FBXW11: variants seen among roughly 807,000 people sequenced by gnomAD.
FBXW11 encodes the protein F-box and WD repeat domain containing 11.
Under a neutral mutation model 77.6 loss-of-function variants are expected in FBXW11, and 19 were observed. The ratio of observed to expected loss-of-function variants is 0.24; its 90% confidence interval spans 0.17 to 0.36. The LOEUF (loss-of-function observed/expected upper bound fraction) is 0.36. Ranked by LOEUF, FBXW11 falls within the 10% of genes least tolerant of loss-of-function variation. The probability of loss-of-function intolerance (pLI) is 1.00; values close to 1 mark genes in which losing one functional copy is unlikely to be tolerated. For missense variants in FBXW11, 334 were observed against 704.2 expected, an observed-to-expected ratio of 0.47 and a Z score of 5.95; for synonymous variants, 235 against 249.4, an observed-to-expected ratio of 0.94 and a Z score of 0.54.
chr5:171,992,379 G>A (rs1301231783), intron 1 of FBXW11, among the ~76,000 whole-genome samples: 1 of 151,856 alleles, frequency 6.6e-6, no homozygotes, highest in Non-Finnish European at 1.5e-5. Flanking sequence ...GTGAGCCGAG[G>A]CCATGCCATG....
At chr5:171,918,019 C>T (rs1418511995) in intron 2 of FBXW11, among the ~76,000 whole-genome samples, 5 of 151,902 alleles carry the variant, frequency 3.3e-5, no homozygotes, top group Non-Finnish European at 5.9e-5. Context: ...AAACACTGGA[C>T]TAGAGCAACA....
At chr5:172,001,971 T>C (rs1421299197) in intron 1 of FBXW11, among the ~76,000 whole-genome samples, 1 of 152,064 alleles carries the variant, frequency 6.6e-6, no homozygotes, top group Non-Finnish European at 1.5e-5. Context: ...GAATATACAG[T>C]AAGCAAGGAA....
At chr5:171,992,516 GAA>G (rs1443133526) in intron 1 of FBXW11, among the ~76,000 whole-genome samples, 1 of 151,414 alleles carries the variant, frequency 6.6e-6, no homozygotes, top group Non-Finnish European at 1.5e-5. Context: ...GAAAGAAAGA[GAA>G]AGAGAAAAAG....
intron 5 of FBXW11, 111 bp downstream of exon 5, chr5:171,899,803 C>T: frequency 1.0e-6 from 1 of 990,628 alleles, no homozygotes; most frequent in East Asian, 2.5e-5. Flanking sequence ...ATTTTCCCCC[C>T]TTTTTAAAAA....
chr5:171,969,596 C>T (rs1424519671), intron 1 of FBXW11, among the ~76,000 whole-genome samples: 5 of 152,170 alleles, frequency 3.3e-5, no homozygotes, highest in Non-Finnish European at 7.3e-5. Context: ...TAAATTATTT[C>T]CTGGTTTGCT....
chr5:171,864,266 C>T (rs1430505741), intron 13 of FBXW11, among the ~76,000 whole-genome samples, 165 bp from the exon 14 acceptor site: 1 of 152,216 alleles, frequency 6.6e-6, no homozygotes, highest in Non-Finnish European at 1.5e-5. Flanking sequence ...CCAGGTATCA[C>T]ATTTATTTCA....
intron 7 of FBXW11, among the ~76,000 whole-genome samples, chr5:171,887,934 C>T (rs1214796272): frequency 6.6e-6 from 1 of 152,222 alleles, no homozygotes; most frequent in Admixed American, 6.5e-5. Flanking sequence ...GCTGGGATTA[C>T]AGGCATGAGC....
chr5:171,891,696 C>A, intron 6 of FBXW11, 92 bp from the exon 7 acceptor site: 2 of 1,250,958 alleles, frequency 1.6e-6, no homozygotes, highest in Non-Finnish European at 2.2e-6. Flanking sequence ...AAACAGCATA[C>A]CACCGATACC....
chr5:171,872,812 G>C (rs1474800426), intron 10 of FBXW11, 60 bp downstream of exon 10: 17 of 1,183,712 alleles, frequency 1.4e-5, no homozygotes, highest in Non-Finnish European at 2.0e-5. Context: ...AGAACTAGGA[G>C]ATGAGTCAAC....
At chr5:171,886,225 T>C (rs1261118947) in intron 7 of FBXW11, among the ~76,000 whole-genome samples, 1 of 152,080 alleles carries the variant, frequency 6.6e-6, no homozygotes, top group Non-Finnish European at 1.5e-5. Context: ...ATTAAGAAAA[T>C]GGAATACTAT....
rs747479381 is a variant in FBXW11, at chr5:171,864,063, T to C, written c.*64A>G. On this transcript the variant is annotated 3_prime_UTR_variant, in exon 14 of 14. Coordinates refer to ENST00000517395, the MANE Select transcript of FBXW11 (RefSeq NM_001378974.1). ...GCTGTGAACGAACTCCCTTAGGCAT[T>C]TGGTAGCCACGTAGCCAGTAGTTCA... is the stretch of plus-strand genomic sequence containing the variant. 1.1e-4 allele frequency: 17 copies of C among 152,184 alleles called. No individual in the cohort carries two copies. Among genetic ancestry groups the C allele is most frequent in the Non-Finnish European group, 1.6e-4 (11 of 68,058 alleles). 9.4% of individuals were successfully genotyped at this position (152,184 alleles called of 1,614,324 possible).
At chr5:171,888,783 T>C (rs909247234) in intron 7 of FBXW11, among the ~76,000 whole-genome samples, 1 of 152,188 alleles carries the variant, frequency 6.6e-6, no homozygotes, top group Non-Finnish European at 1.5e-5. Flanking sequence ...ACCTACTCTA[T>C]ACTCCACAGG....
intron 6 of FBXW11, among the ~76,000 whole-genome samples, chr5:171,893,897 T>C (rs1024030549): frequency 1.3e-5 from 2 of 152,106 alleles, no homozygotes; most frequent in African/African-American, 4.8e-5. Flanking sequence ...AGCTTTGTTA[T>C]GCTCTATATT....
intron 9 of FBXW11, among the ~76,000 whole-genome samples, chr5:171,874,144 T>C (rs573058547): frequency 1.3e-5 from 2 of 152,338 alleles, no homozygotes; most frequent in East Asian, 3.9e-4. Context: ...GCCCAGAATA[T>C]ATAAAGAACT....
chr5:172,002,342 A>T (rs779525709), intron 1 of FBXW11, among the ~76,000 whole-genome samples: 1 of 152,076 alleles, frequency 6.6e-6, no homozygotes, highest in East Asian at 1.9e-4. Flanking sequence ...CTGCAAAATC[A>T]GGGGCAAAAA....
intron 2 of FBXW11, among the ~76,000 whole-genome samples, chr5:171,943,950 CA>C (rs2113198108): frequency 6.6e-6 from 1 of 152,252 alleles, no homozygotes; most frequent in East Asian, 1.9e-4. Flanking sequence ...CTCCGGGAAA[CA>C]ATTTGACAAG....
At chr5:171,926,084 C>T (rs556405462) in intron 2 of FBXW11, among the ~76,000 whole-genome samples, 16 of 152,296 alleles carry the variant, frequency 1.1e-4, no homozygotes, top group Non-Finnish European at 1.8e-4. Context: ...TTTTTGCTTA[C>T]TTATCCTACC....
intron 1 of FBXW11, among the ~76,000 whole-genome samples, chr5:171,985,530 A>G (rs970523273): frequency 6.6e-6 from 1 of 152,102 alleles, no homozygotes; most frequent in Non-Finnish European, 1.5e-5. Flanking sequence ...AGGTTGAGAG[A>G]TAAGGATCAT....
chr5:171,900,760 A>G (rs1760060932), intron 4 of FBXW11, among the ~76,000 whole-genome samples: 1 of 152,166 alleles, frequency 6.6e-6, no homozygotes, highest in Non-Finnish European at 1.5e-5. Flanking sequence ...CTGTTCCTAA[A>G]CAGATGGGAC....
Sources: gnomAD v4.1 joint callset for allele counts (sites outside exome capture counted in the v4.1 genomes callset) on GRCh38, gnomAD v4.1.1 for gene constraint, MANE v1.5 for transcripts, NCBI Gene and HGNC (gene_info 2026-07-23, HGNC 2026-07-21) for gene names.